The following FSTL5 variants were observed in gnomAD, a reference collection of about 807,000 sequenced individuals.
FSTL5 encodes follistatin like 5, also known as follistatin-related protein 5.
FSTL5 carries 62 observed loss-of-function variants against 89.1 expected under a neutral mutation model. That is an observed-to-expected ratio of 0.70 (90% confidence interval 0.57 to 0.86). The LOEUF (loss-of-function observed/expected upper bound fraction) is 0.86. Ranked by LOEUF, FSTL5 falls within the 40% of genes least tolerant of loss-of-function variation. The pLI is 0.00. For synonymous variants in FSTL5, 383 were observed against 346.2 expected, an observed-to-expected ratio of 1.11 and a Z score of -1.18; for missense variants, 1,057 against 1,001.6, an observed-to-expected ratio of 1.06 and a Z score of -0.75.
chr4:161,489,023 A>G (rs967641800), intron 12 of FSTL5, among the ~76,000 whole-genome samples: 4 of 152,150 alleles, frequency 2.6e-5, no homozygotes, highest in African/African-American at 9.6e-5. Context: ...TTTTTTGATG[A>G]AAAAAATTAT....
chr4:161,562,716 C>A (rs966751289), intron 8 of FSTL5, among the ~76,000 whole-genome samples: 1 of 151,438 alleles, frequency 6.6e-6, no homozygotes, highest in African/African-American at 2.4e-5. Context: ...TAAAATGTAC[C>A]CTGTTACTGC....
intron 12 of FSTL5, among the ~76,000 whole-genome samples, chr4:161,481,419 T>C (rs1054736125): frequency 6.6e-6 from 1 of 152,144 alleles, no homozygotes; most frequent in Non-Finnish European, 1.5e-5. Flanking sequence ...AATGTAGTTC[T>C]TTCATTTTTT....
intron 6 of FSTL5, among the ~76,000 whole-genome samples, chr4:161,714,998 T>G (rs918553025): frequency 2.0e-5 from 3 of 152,174 alleles, no homozygotes; most frequent in Admixed American, 6.5e-5. Context: ...AGGACTATTT[T>G]ATATAAAACA....
intron 3 of FSTL5, among the ~76,000 whole-genome samples, chr4:162,019,584 T>A (rs1275177803): frequency 6.6e-6 from 1 of 152,014 alleles, no homozygotes; most frequent in Non-Finnish European, 1.5e-5. Context: ...TATGATTGTA[T>A]AATGGCATTT....
At chr4:161,759,267 A>C in intron 6 of FSTL5, 144 bp downstream of exon 6, 5 of 687,346 alleles carry the variant, frequency 7.3e-6, no homozygotes, top group Non-Finnish European at 1.1e-5. Context: ...ATATGTTTCA[A>C]TACAACTTGA....
At chr4:161,991,967 A>G (rs973987569) in intron 3 of FSTL5, among the ~76,000 whole-genome samples, 4 of 152,210 alleles carry the variant, frequency 2.6e-5, no homozygotes, top group African/African-American at 9.7e-5. Flanking sequence ...TTTCAGGCAG[A>G]AGGAGCCTCA....
At chr4:161,823,186 A>G (rs1252275805) in intron 4 of FSTL5, among the ~76,000 whole-genome samples, 1 of 151,968 alleles carries the variant, frequency 6.6e-6, no homozygotes, top group Non-Finnish European at 1.5e-5. Flanking sequence ...ATGGCAGGCC[A>G]GCCCCCAGGC....
intron 8 of FSTL5, among the ~76,000 whole-genome samples, chr4:161,565,246 A>T (rs1326509203): frequency 6.6e-6 from 1 of 151,654 alleles, no homozygotes; most frequent in African/African-American, 2.4e-5. Context: ...CATCATCATC[A>T]TATTTATTAT....
chr4:161,657,927 C>T (rs953537417), intron 6 of FSTL5, among the ~76,000 whole-genome samples: 1 of 152,086 alleles, frequency 6.6e-6, no homozygotes, highest in African/African-American at 2.4e-5. Context: ...TAAAGTCACG[C>T]TTATTTAAGT....
intron 2 of FSTL5, among the ~76,000 whole-genome samples, chr4:162,087,338 C>T (rs562628708): frequency 1.1e-3 from 174 of 152,078 alleles, no homozygotes; most frequent in Non-Finnish European, 2.2e-3. Context: ...TAATTTTCTG[C>T]ATCAAACTGT....
At chr4:161,734,299 T>G (rs1739716325) in intron 6 of FSTL5, among the ~76,000 whole-genome samples, 2 of 152,114 alleles carry the variant, frequency 1.3e-5, no homozygotes, top group African/African-American at 4.8e-5. Context: ...AATAAAATAT[T>G]TTCAAAGGAG....
chr4:161,731,911 T>G (rs1001509109), intron 6 of FSTL5, among the ~76,000 whole-genome samples: 3 of 152,106 alleles, frequency 2.0e-5, no homozygotes, highest in Non-Finnish European at 4.4e-5. Context: ...TGGGGAACAT[T>G]TGAGCTATTT....
intron 1 of FSTL5, among the ~76,000 whole-genome samples, chr4:162,157,641 C>G (rs2110756173): frequency 6.6e-6 from 1 of 152,128 alleles, no homozygotes; most frequent in African/African-American, 2.4e-5. Context: ...TTATTGTTAA[C>G]CAATATGTAA....
intron 6 of FSTL5, among the ~76,000 whole-genome samples, chr4:161,730,868 A>G (rs951486918): frequency 5.3e-5 from 8 of 152,226 alleles, no homozygotes; most frequent in Admixed American, 1.3e-4. Flanking sequence ...TGTTAATAAA[A>G]ACACGAATAT....
chr4:161,863,153 C>A (rs1258440909), intron 4 of FSTL5, among the ~76,000 whole-genome samples: 1 of 152,024 alleles, frequency 6.6e-6, no homozygotes, highest in Admixed American at 6.6e-5. Flanking sequence ...TCTTTGTTAA[C>A]AGGTATGAAG....
chr4:162,006,047 A>C (rs938279623), intron 3 of FSTL5, among the ~76,000 whole-genome samples: 15 of 152,034 alleles, frequency 9.9e-5, no homozygotes, highest in Admixed American at 1.3e-4. Context: ...CTATACACAC[A>C]TCTTAAATGT....
chr4:161,462,651 G>GAT (rs749323029), intron 13 of FSTL5, among the ~76,000 whole-genome samples: 2 of 152,078 alleles, frequency 1.3e-5, no homozygotes, highest in Non-Finnish European at 2.9e-5. Context: ...TATTAGGTGA[G>GAT]ATAGTAAAGT....
chr4:161,710,038 G>T (rs1260752498), intron 6 of FSTL5, among the ~76,000 whole-genome samples: 1 of 151,986 alleles, frequency 6.6e-6, no homozygotes, highest in African/African-American at 2.4e-5. Context: ...GCGTGATCAT[G>T]GCTCATTGCA....
intron 1 of FSTL5, among the ~76,000 whole-genome samples, chr4:162,127,633 AT>A (rs1409914579): frequency 1.3e-5 from 2 of 152,146 alleles, no homozygotes; most frequent in African/African-American, 2.4e-5. Context: ...GAAGTAGGTA[AT>A]TTTTTATGTG....
Sources: allele counts gnomAD v4.1 joint callset (sites outside exome capture counted in the v4.1 genomes callset), GRCh38; gene constraint gnomAD v4.1.1; transcripts MANE v1.5; gene names NCBI Gene and HGNC (gene_info 2026-07-23, HGNC 2026-07-21).